The following FAM167A variants were observed in gnomAD, a reference collection of about 807,000 sequenced individuals.
FAM167A encodes family with sequence similarity 167 member A, also known as protein FAM167A.
Under a neutral mutation model 14.9 loss-of-function variants are expected in FAM167A, and 23 were observed. That is an observed-to-expected ratio of 1.55 (90% CI 1.11 to 2.19). FAM167A has a LOEUF of 2.19. Among genes scored for constraint, FAM167A ranks in the 30% most tolerant of loss-of-function variants. The pLI is 0.00. For missense variants in FAM167A, 401 were observed against 281.5 expected (o/e 1.42, Z -3.04); for synonymous variants, 174 against 117.7 (o/e 1.48, Z -3.10).
At chr8:11,437,414 C>A (rs575682881) in intron 2 of FAM167A, among the ~76,000 whole-genome samples, 1 of 152,216 alleles carries the variant, frequency 6.6e-6, no homozygotes, top group Non-Finnish European at 1.5e-5. Flanking sequence ...TCCCCTCCTC[C>A]CTGCTCAACG....
intron 1 of FAM167A, among the ~76,000 whole-genome samples, chr8:11,455,961 C>CTGTGAG (rs1807256155): frequency 3.1e-5 from 3 of 95,562 alleles, no homozygotes; most frequent in East Asian, 3.7e-4. Context: ...GGTTGCCTTG[C>CTGTGAG]TGTGAGTGAG....
chr8:11,447,439 T>C (rs989168721), intron 1 of FAM167A, among the ~76,000 whole-genome samples: 6 of 152,222 alleles, frequency 3.9e-5, no homozygotes, highest in Non-Finnish European at 7.3e-5. Flanking sequence ...GCATAGACCA[T>C]GTCAGGACCA....
chr8:11,453,050 C>T (rs1339040841), intron 1 of FAM167A, among the ~76,000 whole-genome samples: 1 of 152,190 alleles, frequency 6.6e-6, no homozygotes, highest in Admixed American at 6.5e-5. Context: ...TCAGCCTGAG[C>T]CTGGGGACTT....
In FAM167A at chr8:11,444,125, C is replaced by G; in HGVS notation, c.287G>C (p.Arg96Thr). The G allele has an allele frequency of 6.2e-7, 1 of 1,613,316 alleles. No homozygotes were observed. The highest frequency in any genetic ancestry group is 8.5e-7 in the Non-Finnish European group (1 of 1,179,992). The change falls in exon 2 of 3, where the codon AGG (arginine) becomes ACG (threonine). Residue 96 changes from arginine to threonine, a missense_variant. Arg to Thr is a moderately conservative substitution (Grantham distance 71). Coordinates refer to ENST00000284486, the MANE Select transcript of FAM167A (RefSeq NM_053279.3). ...GGGTCTGGCACCTTGGCTGGCACTC[C>G]TGGCAGAAGGGGGGTGCTGCCCAGC... The part of the protein sequence containing the change: ...REAGQHPPSA[R>T]SASQGARPLS...
At chr8:11,461,658 A>T (rs1049043446) in intron 1 of FAM167A, among the ~76,000 whole-genome samples, 2 of 152,236 alleles carry the variant, frequency 1.3e-5, no homozygotes, top group Non-Finnish European at 2.9e-5. Context: ...AGTGGCTCCT[A>T]ACCAGCTGGC....
At chr8:11,436,960 C>G (rs966319030) in intron 2 of FAM167A, among the ~76,000 whole-genome samples, 12 of 152,218 alleles carry the variant, frequency 7.9e-5, no homozygotes, top group Non-Finnish European at 1.5e-4. Flanking sequence ...CCTGCAGTTG[C>G]TATAGATTCC....
chr8:11,427,711 T>C (rs565391297), intron 2 of FAM167A, among the ~76,000 whole-genome samples: 1 of 152,228 alleles, frequency 6.6e-6, no homozygotes, highest in South Asian at 2.1e-4. Flanking sequence ...CCTGATTTCA[T>C]ATATAAGAAA....
At chr8:11,427,753 G>C (rs1225775184) in intron 2 of FAM167A, among the ~76,000 whole-genome samples, 2 of 152,176 alleles carry the variant, frequency 1.3e-5, no homozygotes, top group African/African-American at 2.4e-5. Flanking sequence ...TTGGGAGTCA[G>C]CAAGGTATCT....
intron 2 of FAM167A, among the ~76,000 whole-genome samples, chr8:11,431,080 G>C (rs777350905): frequency 6.6e-6 from 1 of 152,170 alleles, no homozygotes; most frequent in Non-Finnish European, 1.5e-5. Context: ...ACAAATGAAG[G>C]CAAAAGCTAG....
intron 2 of FAM167A, among the ~76,000 whole-genome samples, chr8:11,437,001 A>G (rs541479646): frequency 8.5e-5 from 13 of 152,270 alleles, no homozygotes; most frequent in African/African-American, 3.1e-4. Flanking sequence ...AGTGAGGCAA[A>G]TCTATTTTCT....
intron 2 of FAM167A, chr8:11,438,526 C>G (rs1318541626): frequency 1.3e-5 from 6 of 456,882 alleles, no homozygotes; most frequent in Non-Finnish European, 2.2e-5. Flanking sequence ...ACTTTTGCTT[C>G]TTTGGTCTTT....
intron 2 of FAM167A, among the ~76,000 whole-genome samples, chr8:11,443,258 C>A (rs555946430): frequency 5.9e-5 from 9 of 152,100 alleles, no homozygotes; most frequent in African/African-American, 2.2e-4. Context: ...CCCAGCTCTG[C>A]CCCCCCACCC....
Position 11,424,504 on chromosome 8 carries a change from C to T in FAM167A, c.514G>A (p.Glu172Lys), listed in dbSNP as rs1352145331. ...RMLNDATYEL[E>K]ERDELADLFC... is the part of the protein sequence containing the mutation. ...AGGTCGGCCAGCTCATCCCGCTCCT[C>T]CAGCTCGTAGGTGGCATCGTTGAGC... Residue 172 changes from glutamate to lysine, a missense_variant, in exon 3 of 3, where the codon GAG (glutamate) becomes AAG (lysine). Physicochemically the swap from Glu to Lys is moderately conservative, Grantham distance 56. Coordinates refer to ENST00000284486, the MANE Select transcript of FAM167A (RefSeq NM_053279.3). The T allele has an allele frequency of 1.2e-6, 2 of 1,614,076 alleles. No homozygotes were observed. The highest frequency in any genetic ancestry group is 8.5e-7 in the Non-Finnish European group (1 of 1,180,022).
Position 11,424,417 on chromosome 8 carries a change from CG to C in FAM167A, c.600del (p.Val201Ter), listed in dbSNP as rs1302589538. Reference sequence around the variant, plus strand: ...CGAGAGTTGATGTTCATCTTGGTCACGCCAATAAGCTTGAGTGGTGTGGAGA... The same window carrying C: ...CGAGAGTTGATGTTCATCTTGGTCACCCAATAAGCTTGAGTGGTGTGGAGA... ...FSLSTPLKLI[G>X]VTKMNINSRR... On this transcript the variant is annotated frameshift_variant, in exon 3 of 3. Transcript: ENST00000284486. LOFTEE classifies it high-confidence loss of function. 6.2e-7 allele frequency: 1 copy of C among 1,613,802 alleles called. No individual in the cohort carries two copies. Among genetic ancestry groups the C allele is most frequent in the Non-Finnish European group, 8.5e-7 (1 of 1,179,986 alleles).
At chr8:11,442,761 A>C (rs1301571831) in intron 2 of FAM167A, among the ~76,000 whole-genome samples, 2 of 151,972 alleles carry the variant, frequency 1.3e-5, no homozygotes, top group African/African-American at 4.8e-5. Context: ...CAGGTGCCTC[A>C]TCTTCTCCGA....
At chr8:11,426,520 C>A (rs552591961) in intron 2 of FAM167A, among the ~76,000 whole-genome samples, 5 of 152,296 alleles carry the variant, frequency 3.3e-5, no homozygotes, top group African/African-American at 9.6e-5. Flanking sequence ...CCACTGTAAA[C>A]CAAAAGTGTC....
chr8:11,442,643 GCTGTGCGCGGTCTGTCCTGGGGCA>G (rs1362665300), intron 2 of FAM167A, among the ~76,000 whole-genome samples: 2 of 149,402 alleles, frequency 1.3e-5, no homozygotes, highest in African/African-American at 2.4e-5. Context: ...GCAGCTGGGG[GCTGTGCGCGGTCTGTCCTGGGGCA>G]CTGTGCATCT....
At chr8:11,443,161 G>C (rs1379089893) in intron 2 of FAM167A, among the ~76,000 whole-genome samples, 1 of 152,170 alleles carries the variant, frequency 6.6e-6, no homozygotes, top group Admixed American at 6.5e-5. Flanking sequence ...AGCTGGGGTA[G>C]GGTTAGCTTC....
At position 11,422,004 on chromosome 8, in the gene FAM167A, T is replaced by C; in HGVS notation, c.*2369A>G. ...CATCGCTGTCCCCCTCCACTTCTCA[T>C]CTTGGGTCACCTCCTCATCCCATAA... is the stretch of plus-strand genomic sequence containing the variant. On this transcript the variant is annotated 3_prime_UTR_variant, in exon 3 of 3. Transcript: ENST00000284486. 1 of 395,850 alleles carries C rather than the reference T, an allele frequency of 2.5e-6. No homozygotes were observed. Among genetic ancestry groups the C allele is most frequent in the Non-Finnish European group, 4.4e-6 (1 of 224,858 alleles). 24.5% of individuals were successfully genotyped at this position (395,850 alleles called of 1,614,324 possible).
Sources: gnomAD v4.1 joint callset for allele counts (sites outside exome capture counted in the v4.1 genomes callset) on GRCh38, gnomAD v4.1.1 for gene constraint, MANE v1.5 for transcripts, NCBI Gene and HGNC (gene_info 2026-07-23, HGNC 2026-07-21) for gene names.